The following GFRA1 variants were observed in gnomAD, a reference collection of about 807,000 sequenced individuals.
The protein encoded by GFRA1 is GDNF family receptor alpha 1.
GFRA1 carries 16 observed loss-of-function variants against 51.6 expected under a neutral mutation model. The observed-to-expected ratio is 0.31, with a 90% CI of 0.21 to 0.47. The LOEUF (loss-of-function observed/expected upper bound fraction) is 0.47, where lower values mean the gene tolerates loss of function less well. GFRA1 is among the 20% of genes least tolerant of loss of function. The pLI is 1.00. For synonymous variants in GFRA1, 270 were observed against 241.3 expected (o/e 1.12, Z -1.10); for missense variants, 530 against 594.3 (o/e 0.89, Z 1.13).
Position 116,211,656 on chromosome 10 carries a change from A to C in GFRA1, c.419-11T>G, listed in dbSNP as rs1422073082. On this transcript the variant is annotated splice_polypyrimidine_tract_variant and intron_variant, in intron 4 of 10. Coordinates refer to ENST00000355422, the MANE Select transcript of GFRA1 (RefSeq NM_005264.8). ...CTTGCTGAAAAACATCTGCCAAGAA[A>C]GAAGAAAAGTAGGGGAGGGGAGAGG... is the stretch of plus-strand genomic sequence containing the variant. 1.9e-6 allele frequency: 3 copies of C among 1,549,498 alleles called. No homozygotes were observed. In the African/African-American group the frequency reaches 4.1e-5, roughly 21 times the overall value.
At chr10:116,230,636 G>C (rs1214600631) in intron 4 of GFRA1, among the ~76,000 whole-genome samples, 1 of 151,952 alleles carries the variant, frequency 6.6e-6, no homozygotes, top group Non-Finnish European at 1.5e-5. Context: ...AGTATTTATT[G>C]AGCAACTGTT....
intron 5 of GFRA1, among the ~76,000 whole-genome samples, chr10:116,167,627 T>TA (rs1333436257): frequency 1.3e-5 from 2 of 151,902 alleles, no homozygotes; most frequent in Non-Finnish European, 2.9e-5. Flanking sequence ...GGCACAAGCC[T>TA]AAGACCAAAG....
intron 2 of GFRA1, 111 bp from the exon 3 acceptor site, chr10:116,271,226 G>A (rs1450715989): frequency 2.3e-6 from 2 of 854,936 alleles, no homozygotes; most frequent in African/African-American, 1.7e-5. Context: ...GCCTTCGGGG[G>A]CGCCCTGCTC....
intron 4 of GFRA1, chr10:116,226,934 G>A (rs1966338462): frequency 5.8e-6 from 1 of 171,198 alleles, no homozygotes; most frequent in Non-Finnish European, 1.3e-5. Flanking sequence ...CCTCTAATCT[G>A]ACAGGTGGCG....
chr10:116,245,542 T>C (rs1050752092), intron 4 of GFRA1, among the ~76,000 whole-genome samples: 2 of 152,208 alleles, frequency 1.3e-5, no homozygotes, highest in Non-Finnish European at 2.9e-5. Context: ...AACCTAAACA[T>C]AGACTTTAAA....
At chr10:116,271,964 A>G in intron 2 of GFRA1, 26 bp downstream of exon 2, 1 of 1,545,356 alleles carries the variant, frequency 6.5e-7, no homozygotes, top group Non-Finnish European at 8.8e-7. Flanking sequence ...AGAGGGTAAG[A>G]AAGCCCGCGG....
intron 5 of GFRA1, among the ~76,000 whole-genome samples, chr10:116,164,496 C>A (rs988090770): frequency 1.3e-5 from 2 of 152,154 alleles, no homozygotes; most frequent in African/African-American, 4.8e-5. Context: ...ATCAAATAAG[C>A]TCCGGGCAGC....
chr10:116,194,563 G>C (rs1186432555), intron 5 of GFRA1, among the ~76,000 whole-genome samples: 3 of 152,128 alleles, frequency 2.0e-5, no homozygotes, highest in Admixed American at 2.0e-4. Flanking sequence ...TAAGTATTCT[G>C]GTTGATACAG....
chr10:116,208,924 A>G (rs1368657975), intron 5 of GFRA1, among the ~76,000 whole-genome samples: 1 of 152,224 alleles, frequency 6.6e-6, no homozygotes, highest in Non-Finnish European at 1.5e-5. Flanking sequence ...GAGCAATTCT[A>G]TGGCACTTTG....
chr10:116,142,348 A>T (rs1395033425), intron 5 of GFRA1, among the ~76,000 whole-genome samples: 1 of 152,186 alleles, frequency 6.6e-6, no homozygotes, highest in African/African-American at 2.4e-5. Context: ...CCCCTTCAAC[A>T]AATAGGAGAA....
intron 6 of GFRA1, among the ~76,000 whole-genome samples, chr10:116,102,487 G>A (rs932121337): frequency 3.3e-5 from 5 of 152,122 alleles, no homozygotes; most frequent in South Asian, 2.1e-4. Flanking sequence ...GTATTAGTCC[G>A]TTTTTATGCT....
At chr10:116,117,955 T>G (rs1490350241) in intron 6 of GFRA1, among the ~76,000 whole-genome samples, 2 of 152,124 alleles carry the variant, frequency 1.3e-5, no homozygotes, top group Non-Finnish European at 2.9e-5. Flanking sequence ...CTCCAACTTC[T>G]AAGTCCTCTT....
chr10:116,109,882 C>T (rs1313184859), intron 6 of GFRA1, among the ~76,000 whole-genome samples: 1 of 152,180 alleles, frequency 6.6e-6, no homozygotes, highest in Non-Finnish European at 1.5e-5. Context: ...TCTGGTCTCT[C>T]TGCATCTCAG....
rs1407619508 is a variant in GFRA1, at chr10:116,089,839, T to C, written c.1099A>G (p.Thr367Ala). The change falls in exon 9 of 11, where the codon ACC becomes GCC. Residue 367 changes from threonine to alanine, a missense_variant. By Grantham distance (58) the Thr-to-Ala change is moderately conservative. Coordinates refer to ENST00000355422, the MANE Select transcript of GFRA1 (RefSeq NM_005264.8). ...TTCTTAACCCGGAGGGCAGTGGTGG[T>C]AGTGGCAGTGGTGGTCTGTACTGGG... ...AFPVQTTTAT[T>A]TTALRVKNKP... 2 of 1,613,816 alleles carry C rather than the reference T, an allele frequency of 1.2e-6. No homozygotes were observed. The highest frequency in any genetic ancestry group is 4.5e-5 in the East Asian group (2 of 44,882).
chr10:116,270,793 G>A, intron 3 of GFRA1, 29 bp downstream of exon 3: 2 of 1,590,666 alleles, frequency 1.3e-6, no homozygotes, highest in Non-Finnish European at 1.7e-6. Flanking sequence ...GGAGGGACAC[G>A]GGGTGGGGTG....
upstream of GFRA1, among the ~76,000 whole-genome samples, chr10:116,274,461 G>C (rs1246976023): frequency 6.6e-6 from 1 of 152,234 alleles, no homozygotes; most frequent in African/African-American, 2.4e-5. Flanking sequence ...TTTGGTTGAA[G>C]TTTGAGGCCC....
intron 6 of GFRA1, among the ~76,000 whole-genome samples, chr10:116,112,107 C>T (rs1017882993): frequency 6.6e-6 from 1 of 152,218 alleles, no homozygotes; most frequent in Non-Finnish European, 1.5e-5. Context: ...TGTAGCTAAA[C>T]ATGTTTGAGC....
intron 5 of GFRA1, among the ~76,000 whole-genome samples, chr10:116,164,322 TAA>T (rs11409663): frequency 2.7e-5 from 4 of 146,396 alleles, no homozygotes; most frequent in Non-Finnish European, 6.0e-5. Context: ...TGCATTTTCC[TAA>T]AAAAAAAAAA....
chr10:116,252,997 G>A (rs1321005845), intron 4 of GFRA1, among the ~76,000 whole-genome samples: 1 of 152,200 alleles, frequency 6.6e-6, no homozygotes, highest in African/African-American at 2.4e-5. Flanking sequence ...AGGTTCTAAT[G>A]TGCCTCTTCC....
Sources: gnomAD v4.1 joint callset for allele counts (sites outside exome capture counted in the v4.1 genomes callset) on GRCh38, gnomAD v4.1.1 for gene constraint, MANE v1.5 for transcripts, NCBI Gene and HGNC (gene_info 2026-07-23, HGNC 2026-07-21) for gene names.